The following WRN variants were observed in gnomAD, a reference collection of about 807,000 sequenced individuals.
The protein encoded by WRN is bifunctional 3'-5' exonuclease/ATP-dependent helicase WRN.
WRN carries 149 observed loss-of-function variants against 180.7 expected under a neutral mutation model. The ratio of observed to expected loss-of-function variants is 0.82; its 90% CI spans 0.72 to 0.94. The LOEUF is 0.94. Among genes scored for constraint, WRN ranks in the 40% least tolerant of loss-of-function variants. The probability of loss-of-function intolerance (pLI) is 0.00; values close to 1 mark genes in which losing one functional copy is unlikely to be tolerated. For missense variants in WRN, 1,661 were observed against 1,700.1 expected (o/e 0.98, Z 0.40); for synonymous variants, 548 against 568.9 (o/e 0.96, Z 0.52).
intron 8 of WRN, 72 bp downstream of exon 8, chr8:31,076,359 T>A (rs1328413380): frequency 2.4e-6 from 3 of 1,271,540 alleles, no homozygotes; most frequent in African/African-American, 3.0e-5. Context: ...TTCCTATATG[T>A]GAAGAATACT....
At chr8:31,139,999 CTTTGT>C (rs1802548431) in intron 24 of WRN, among the ~76,000 whole-genome samples, 2 of 74,702 alleles carry the variant, frequency 2.7e-5, no homozygotes, top group African/African-American at 1.1e-4. Context: ...TTGTATACTT[CTTTGT>C]TTTTTTTTTT....
At chr8:31,064,140 A>G (rs1326548459) in intron 3 of WRN, 149 bp from the exon 4 acceptor site, 30 of 784,126 alleles carry the variant, frequency 3.8e-5, no homozygotes, top group Non-Finnish European at 5.3e-5. Context: ...GAAATTTTAC[A>G]TATTTTCTGG....
At chr8:31,060,666 CT>C (rs1166151875) in intron 3 of WRN, among the ~76,000 whole-genome samples, 1 of 152,172 alleles carries the variant, frequency 6.6e-6, no homozygotes. Context: ...TATCTGGCCA[CT>C]TTGGGACTCA....
intron 33 of WRN, among the ~76,000 whole-genome samples, chr8:31,163,122 G>A (rs954408327): frequency 6.6e-5 from 10 of 152,226 alleles, no homozygotes; most frequent in Admixed American, 2.0e-4. Flanking sequence ...GCACGCATGC[G>A]TGCTCATTCA....
intron 1 of WRN, among the ~76,000 whole-genome samples, chr8:31,048,536 T>C (rs994552435): frequency 6.6e-6 from 1 of 152,170 alleles, no homozygotes; most frequent in Non-Finnish European, 1.5e-5. Flanking sequence ...TATATGCTTG[T>C]GTGTGTATAA....
chr8:31,065,974 G>A (rs1414427527), intron 5 of WRN, among the ~76,000 whole-genome samples: 6 of 151,570 alleles, frequency 4.0e-5, no homozygotes, highest in Non-Finnish European at 4.4e-5. Flanking sequence ...CACCTCCTGG[G>A]TTTAAGTGGT....
At chr8:31,103,875 C>CA (rs1466396446) in intron 18 of WRN, among the ~76,000 whole-genome samples, 3 of 151,856 alleles carry the variant, frequency 2.0e-5, no homozygotes, top group Non-Finnish European at 4.4e-5. Context: ...GCTGAGACTA[C>CA]AGGCGCCCGC....
At chr8:31,066,119 C>T (rs1419620638) in intron 5 of WRN, among the ~76,000 whole-genome samples, 1 of 152,062 alleles carries the variant, frequency 6.6e-6, no homozygotes, top group African/African-American at 2.4e-5. Context: ...CTCAGATAAT[C>T]TGCCTGCCTC....
Position 31,142,664 on chromosome 8 carries a change from A to G in WRN, c.3272A>G (p.Tyr1091Cys), listed in dbSNP as rs1802691729. 1 of 1,605,764 alleles carries G rather than the reference A, an allele frequency of 6.2e-7. No homozygotes were observed. Among genetic ancestry groups the G allele is most frequent in the Non-Finnish European group, 8.5e-7 (1 of 1,176,222 alleles). The part of the protein sequence containing the change: ...TVSSGTKEHC[Y>C]NQVPVELSTE... ...TCTTCGGGCACCAAAGAGCATTGTT[A>G]TAATCAAGTACCAGTTGAATTAAGT... is the stretch of plus-strand genomic sequence containing the variant. Residue 1091 changes from tyrosine to cysteine, a missense_variant, in exon 27 of 35, where the codon TAT (tyrosine) becomes TGT (cysteine). Tyr to Cys is a radical substitution (Grantham distance 194). Transcript: ENST00000298139.
In WRN at chr8:31,167,164, TC is replaced by T. The variant is rs766643585; in HGVS notation, c.4128del (p.Gly1377ValfsTer16). 22 of 1,613,328 alleles carry T rather than the reference TC, an allele frequency of 1.4e-5. No homozygotes were observed. The highest frequency in any genetic ancestry group is 1.5e-5 in the Non-Finnish European group (18 of 1,179,462). On this transcript the variant is annotated frameshift_variant, in exon 34 of 35. Coordinates refer to ENST00000298139, the MANE Select transcript of WRN (RefSeq NM_000553.6). LOFTEE classifies it high-confidence loss of function. ...SCDVNKRRCFPGSEEICSSSK... is the reference protein window; with the variant it reads ...SCDVNKRRCFXGSEEICSSSK... ...GTGATGTCAACAAAAGGAGATGTTT[TC>T]CCGGTTCTGAAGAGATCTGTTCAAG... is the stretch of plus-strand genomic sequence containing the variant.
chr8:31,082,933 ACT>A (rs1813377108), intron 9 of WRN, among the ~76,000 whole-genome samples: 1 of 152,238 alleles, frequency 6.6e-6, no homozygotes, highest in African/African-American at 2.4e-5. Context: ...AAGTAAAAGA[ACT>A]TTTAAAAAAT....
rs763482212 is a variant in WRN, at chr8:31,090,896, A to G, written c.1783A>G (p.Ile595Val). The G allele has an allele frequency of 5.0e-6, 8 of 1,612,758 alleles. No individual in the cohort carries two copies. In the African/African-American group the frequency reaches 1.1e-4, roughly 22 times the overall value. The part of the protein sequence containing the change: ...PVYVGKIGLV[I>V]SPLISLMEDQ... ...TTATGTAGGCAAGATTGGCCTTGTT[A>G]TCTCTCCCCTTATTTCTCTGATGGA... The change falls in exon 15 of 35, where the codon ATC becomes GTC. Residue 595 changes from isoleucine (I) to valine (V), a missense_variant. Ile to Val is a conservative substitution (Grantham distance 29). Coordinates refer to ENST00000298139, the MANE Select transcript of WRN (RefSeq NM_000553.6).
chr8:31,149,627 G>T (rs1182345873), intron 30 of WRN, among the ~76,000 whole-genome samples: 1 of 150,926 alleles, frequency 6.6e-6, no homozygotes, highest in Admixed American at 6.6e-5. Context: ...GGTGCGCGCT[G>T]CCACCCCCGG....
At chr8:31,131,376 G>C (rs1253828803) in intron 23 of WRN, among the ~76,000 whole-genome samples, 1 of 152,076 alleles carries the variant, frequency 6.6e-6, no homozygotes, top group East Asian at 1.9e-4. Flanking sequence ...GGCTGGTCTT[G>C]AATGCCTGAC....
intron 8 of WRN, among the ~76,000 whole-genome samples, chr8:31,078,367 A>G (rs1300376514): frequency 6.6e-6 from 1 of 152,188 alleles, no homozygotes; most frequent in African/African-American, 2.4e-5. Context: ...ACCTCTGAGC[A>G]GTCAAAATAA....
intron 18 of WRN, among the ~76,000 whole-genome samples, chr8:31,108,999 G>T (rs934742427): frequency 6.6e-6 from 1 of 152,152 alleles, no homozygotes; most frequent in Non-Finnish European, 1.5e-5. Context: ...GGCAGTAATT[G>T]GTTCTTTGGG....
At chr8:31,054,839 T>C (rs374193794) in intron 1 of WRN, among the ~76,000 whole-genome samples, 1 of 152,232 alleles carries the variant, frequency 6.6e-6, no homozygotes. Context: ...CCTATCAATC[T>C]GTCACCTACA....
At chr8:31,164,356 C>G (rs927266752) in intron 33 of WRN, among the ~76,000 whole-genome samples, 3 of 152,048 alleles carry the variant, frequency 2.0e-5, no homozygotes, top group African/African-American at 7.2e-5. Context: ...TTAACTGTAG[C>G]CATGCCACAA....
At position 31,166,884 on chromosome 8, in the gene WRN, G is replaced by A. The variant is rs1036585472; in HGVS notation, c.3983-138G>A. 20 of 779,518 alleles carry A rather than the reference G, an allele frequency of 2.6e-5. No homozygotes were observed. In the African/African-American group the frequency reaches 3.2e-4, roughly 12 times the overall value. 48.3% of individuals were successfully genotyped at this position (779,518 alleles called of 1,614,324 possible). A position where few individuals can be genotyped will look rare whatever the true frequency, so the allele number is the denominator to read the frequency against. The stretch of plus-strand genomic sequence containing the variant: ...TCCATTTCCATTCCGTAAGGCTATA[G>A]GCATTTGAAAGAGGAAACTTTTCTT... On this transcript the variant is annotated intron_variant, in intron 33 of 34. Coordinates refer to ENST00000298139, the MANE Select transcript of WRN (RefSeq NM_000553.6).
Sources: allele counts gnomAD v4.1 joint callset (sites outside exome capture counted in the v4.1 genomes callset), GRCh38; gene constraint gnomAD v4.1.1; transcripts MANE v1.5; gene names NCBI Gene and HGNC (gene_info 2026-07-23, HGNC 2026-07-21).